The following NEK10 variants were observed in gnomAD, a reference collection of about 807,000 sequenced individuals.
NEK10 encodes the protein serine/threonine-protein kinase Nek10.
Under a neutral mutation model 159.8 loss-of-function variants are expected in NEK10, and 122 were observed. The ratio of observed to expected loss-of-function variants is 0.76; its 90% CI spans 0.66 to 0.89. The LOEUF is 0.89. NEK10 is among the 40% of genes least tolerant of loss of function. The probability of loss-of-function intolerance (pLI) is 0.00; values close to 1 mark genes in which losing one functional copy is unlikely to be tolerated. For missense variants in NEK10, 1,342 were observed against 1,323.1 expected (o/e 1.01, Z -0.22); for synonymous variants, 466 against 457.1 (o/e 1.02, Z -0.25).
chr3:27,288,964 G>T lies in NEK10; in HGVS notation c.1744-1221C>A, dbSNP rs12492523. 6.8e-3 allele frequency among the ~76,000 whole-genome samples: 1,037 copies of T among 152,236 alleles called. 16 individuals carry two copies. Among genetic ancestry groups the T allele is most frequent in the African/African-American group, 0.024 (990 of 41,536 alleles). On this transcript the variant is annotated intron_variant, in intron 19 of 35. Coordinates refer to ENST00000691995, the MANE Select transcript of NEK10 (RefSeq NM_001394966.1). ...ATTTCTCAGCCTCCCTTGAAGCTGG[G>T]GGTGAGGCTACCACTCAGTTCTGAC...
intron 23 of NEK10, 44 bp downstream of exon 23, chr3:27,256,252 C>A: frequency 2.3e-6 from 2 of 862,574 alleles, no homozygotes; most frequent in South Asian, 2.3e-5. Flanking sequence ...AAGCCTAAAT[C>A]AGTTAAGTAT....
intron 5 of NEK10, among the ~76,000 whole-genome samples, chr3:27,327,529 C>T (rs1226731492): frequency 3.3e-5 from 5 of 152,206 alleles, no homozygotes; most frequent in African/African-American, 7.2e-5. Context: ...GGAAAAGCAC[C>T]GGAGACACAT....
chr3:27,238,295 T>TA (rs2149246950), intron 23 of NEK10, among the ~76,000 whole-genome samples: 1 of 152,314 alleles, frequency 6.6e-6, no homozygotes, highest in East Asian at 1.9e-4. Flanking sequence ...AGTATTTGTG[T>TA]ATGTGTGTTT....
chr3:27,210,824 T>G (rs1316117904), intron 23 of NEK10, among the ~76,000 whole-genome samples: 2 of 152,192 alleles, frequency 1.3e-5, no homozygotes, highest in Non-Finnish European at 2.9e-5. Flanking sequence ...GATTCAGACC[T>G]CTAAATAACA....
intron 6 of NEK10, among the ~76,000 whole-genome samples, chr3:27,318,628 G>T (rs2045388802): frequency 6.6e-6 from 1 of 152,216 alleles, no homozygotes; most frequent in African/African-American, 2.4e-5. Flanking sequence ...ACATGTAAGA[G>T]AGTGACAAGA....
At chr3:27,324,594 C>T (rs1341554498) in intron 5 of NEK10, among the ~76,000 whole-genome samples, 1 of 152,150 alleles carries the variant, frequency 6.6e-6, no homozygotes, top group Non-Finnish European at 1.5e-5. Flanking sequence ...CTCACTATTT[C>T]CTCCACCACC....
intron 32 of NEK10, among the ~76,000 whole-genome samples, chr3:27,123,755 A>G (rs2125464933): frequency 6.6e-6 from 1 of 152,252 alleles, no homozygotes; most frequent in Non-Finnish European, 1.5e-5. Context: ...TTCCATGAAA[A>G]AGTGACATTT....
At chr3:27,315,261 G>A (rs1405662229) in intron 6 of NEK10, among the ~76,000 whole-genome samples, 1 of 152,152 alleles carries the variant, frequency 6.6e-6, no homozygotes, top group Non-Finnish European at 1.5e-5. Flanking sequence ...ACGAGTACAT[G>A]AGCGTGGGAG....
At chr3:27,306,516 C>A (rs974709305) in intron 11 of NEK10, among the ~76,000 whole-genome samples, 1 of 152,146 alleles carries the variant, frequency 6.6e-6, no homozygotes, top group African/African-American at 2.4e-5. Flanking sequence ...TAAACAAACA[C>A]CCCCACCTCA....
At chr3:27,347,485 A>T (rs1220467924) in intron 3 of NEK10, among the ~76,000 whole-genome samples, 1 of 147,406 alleles carries the variant, frequency 6.8e-6, no homozygotes, top group South Asian at 2.2e-4. Flanking sequence ...CTGGGCAACA[A>T]GAGTGAAACT....
chr3:27,108,250 A>G lies in NEK10; in HGVS notation c.*3022T>C, dbSNP rs2125380430. On this transcript the variant is annotated 3_prime_UTR_variant, in exon 36 of 36. Coordinates refer to ENST00000691995, the MANE Select transcript of NEK10 (RefSeq NM_001394966.1). ...TTCTGTAAACACTGCCTAATGCCAT[A>G]CAAGTGTCCACAATAAACAAGCAGC... Among the ~76,000 whole-genome samples the G allele has an allele frequency of 6.6e-6, 1 of 152,358 alleles. No individual in the cohort carries two copies. Among genetic ancestry groups the G allele is most frequent in the Non-Finnish European group, 1.5e-5 (1 of 68,040 alleles).
intron 28 of NEK10, among the ~76,000 whole-genome samples, chr3:27,172,602 A>AG (rs1947113699): frequency 6.6e-6 from 1 of 151,992 alleles, no homozygotes; most frequent in African/African-American, 2.4e-5. Flanking sequence ...AATAGCTAGA[A>AG]GGGGAGATTT....
intron 23 of NEK10, among the ~76,000 whole-genome samples, chr3:27,218,977 A>G (rs920835507): frequency 2.0e-5 from 3 of 152,150 alleles, no homozygotes; most frequent in African/African-American, 4.8e-5. Context: ...ACAACCACCT[A>G]TGTTCTCCCT....
intron 1 of NEK10, among the ~76,000 whole-genome samples, chr3:27,357,408 T>C (rs530343325): frequency 5.3e-5 from 8 of 152,346 alleles, no homozygotes; most frequent in South Asian, 4.1e-4. Flanking sequence ...TTTGTGATGT[T>C]GTAATAATCC....
chr3:27,292,184 T>C (rs2043044693), intron 16 of NEK10, among the ~76,000 whole-genome samples: 1 of 152,178 alleles, frequency 6.6e-6, no homozygotes, highest in Non-Finnish European at 1.5e-5. Flanking sequence ...AGAAGGTAGA[T>C]GGCATGTTAA....
At chr3:27,155,830 C>T (rs1026464344) in intron 30 of NEK10, among the ~76,000 whole-genome samples, 1 of 151,970 alleles carries the variant, frequency 6.6e-6, no homozygotes, top group African/African-American at 2.4e-5. Flanking sequence ...TCTGCATAGC[C>T]AAATCAAGAC....
In NEK10 at chr3:27,304,989, G is replaced by C. The variant is rs772021210; in HGVS notation, c.804-18C>G. Reference sequence around the variant, plus strand: ...CTGTTAGTCTGAAAGGGGTACAGAGGGTGGGGTGAGAATCACAGCATCATG... The same window carrying C: ...CTGTTAGTCTGAAAGGGGTACAGAGCGTGGGGTGAGAATCACAGCATCATG... On this transcript the variant is annotated intron_variant, in intron 11 of 35. Transcript: ENST00000691995. 1 of 1,496,460 alleles carries C rather than the reference G, an allele frequency of 6.7e-7. No homozygotes were observed. Among genetic ancestry groups the C allele is most frequent in the Non-Finnish European group, 9.3e-7 (1 of 1,077,762 alleles). 92.7% of individuals were successfully genotyped at this position (1,496,460 alleles called of 1,614,324 possible).
intron 23 of NEK10, chr3:27,214,736 T>G: frequency 2.7e-6 from 2 of 737,476 alleles, no homozygotes; most frequent in Non-Finnish European, 2.5e-6. Flanking sequence ...TCAGTATTCC[T>G]GAGGAATAAA....
In NEK10 at chr3:27,274,241, T is replaced by TTTGCTTGA. The variant is rs1306138039; in HGVS notation, c.2014+10353_2014+10360dup. On this transcript the variant is annotated intron_variant, in intron 22 of 35. Transcript: ENST00000691995. ...CTTCTGTTTCTCAACAGCATCATTA[T>TTTGCTTGA]TTGCTTGATTTTATTGATGGAGTTA... Among the ~76,000 whole-genome samples the TTTGCTTGA allele has an allele frequency of 3.9e-5, 6 of 152,252 alleles. No individual in the cohort carries two copies. The South Asian group carries it at 1.2e-3, about 32-fold the overall frequency.
Sources: gnomAD v4.1 joint callset for allele counts (sites outside exome capture counted in the v4.1 genomes callset) on GRCh38, gnomAD v4.1.1 for gene constraint, MANE v1.5 for transcripts, NCBI Gene and HGNC (gene_info 2026-07-23, HGNC 2026-07-21) for gene names.